The following SUCLG2 variants were observed in gnomAD, a reference collection of about 807,000 sequenced individuals.
SUCLG2 encodes the protein succinate--CoA ligase [GDP-forming] subunit beta, mitochondrial.
SUCLG2 carries 42 observed loss-of-function variants against 47.9 expected under a neutral mutation model. That is an observed-to-expected ratio of 0.88 (90% CI 0.69 to 1.14). The LOEUF is 1.14. Among genes scored for constraint, SUCLG2 ranks in the 50% most tolerant of loss-of-function variants. The pLI, the probability that SUCLG2 is intolerant of heterozygous loss-of-function variation, is 0.00. For missense variants in SUCLG2, 571 were observed against 525.9 expected (o/e 1.09, Z -0.84); for synonymous variants, 195 against 197.3 (o/e 0.99, Z 0.10).
intron 9 of SUCLG2, among the ~76,000 whole-genome samples, chr3:67,423,060 T>C (rs760364972): frequency 6.6e-6 from 1 of 152,166 alleles, no homozygotes; most frequent in Admixed American, 6.5e-5. Context: ...GGTGCAGTGA[T>C]GTGGTTTGGC....
Position 67,528,136 on chromosome 3 carries a change from T to C in SUCLG2, c.413A>G (p.Asn138Ser), listed in dbSNP as rs1361525872. 1 of 1,613,364 alleles carries C rather than the reference T, an allele frequency of 6.2e-7. No individual in the cohort carries two copies. Among genetic ancestry groups the C allele is most frequent in the East Asian group, 2.2e-5 (1 of 44,858 alleles). Residue 138 changes from asparagine to serine, a missense_variant, in exon 4 of 11, where the codon AAC (asparagine) becomes AGC (serine). By Grantham distance (46) the Asn-to-Ser change is conservative (BLOSUM62 1). Coordinates refer to ENST00000307227, the MANE Select transcript of SUCLG2 (RefSeq NM_003848.4). Reference protein sequence around the residue: ...KQTPKEGVKVNKVMVAEALDI... With the variant: ...KQTPKEGVKVSKVMVAEALDI... The stretch of plus-strand genomic sequence containing the variant: ...GACCCAAAGTATCCATATTACCTTG[T>C]TAACTTTCACACCTTCTTTTGGAGT...
Position 67,375,206 on chromosome 3 carries a change from A to T in SUCLG2, c.*538T>A. ...ACGGATTTTTCAAACATATGTTAGAATTAGAAACCTGTAAAATCTGCAGTA... is the reference window on the plus strand; with the variant it reads ...ACGGATTTTTCAAACATATGTTAGATTTAGAAACCTGTAAAATCTGCAGTA... On this transcript the variant is annotated 3_prime_UTR_variant, in exon 11 of 11. Transcript: ENST00000307227. 3 of 985,882 alleles carry T rather than the reference A, an allele frequency of 3.0e-6. No individual in the cohort carries two copies. The highest frequency in any genetic ancestry group is 3.6e-6 in the Non-Finnish European group (3 of 829,924). 61.1% of individuals were successfully genotyped at this position (985,882 alleles called of 1,614,324 possible).
intron 10 of SUCLG2, 95 bp from the exon 11 acceptor site, chr3:67,375,954 T>G (rs1702028166): frequency 6.8e-7 from 1 of 1,474,508 alleles, no homozygotes; most frequent in East Asian, 2.5e-5. Context: ...TGTCTACAGC[T>G]TTTCACTAGG....
chr3:67,620,804 G>T (rs1464972786), intron 1 of SUCLG2, among the ~76,000 whole-genome samples: 1 of 152,024 alleles, frequency 6.6e-6, no homozygotes, highest in Non-Finnish European at 1.5e-5. Context: ...AAAGGGGTTG[G>T]CACGTGCACG....
chr3:67,400,325 CAAATT>C (rs1159824388), intron 10 of SUCLG2, among the ~76,000 whole-genome samples: 2 of 151,658 alleles, frequency 1.3e-5, no homozygotes, highest in Non-Finnish European at 2.9e-5. Context: ...TTTCAGTTAT[CAAATT>C]AATTTATCAA....
In SUCLG2 at chr3:67,459,053, A is replaced by G. The variant is rs905242298; in HGVS notation, c.1062+36745T>C. Among the ~76,000 whole-genome samples the G allele has an allele frequency of 7.9e-5, 12 of 152,182 alleles. No individual in the cohort carries two copies. In the South Asian group the frequency reaches 1.9e-3, roughly 24 times the overall value. ...ATCTAATCTATTCTAATTCATTCAC[A>G]TGGAAGGTCAATTATCCAAATGCTC... On this transcript the variant is annotated intron_variant, in intron 9 of 10. Coordinates refer to ENST00000307227, the MANE Select transcript of SUCLG2 (RefSeq NM_003848.4).
intron 9 of SUCLG2, among the ~76,000 whole-genome samples, chr3:67,423,168 C>T: frequency 6.6e-6 from 1 of 152,032 alleles, no homozygotes; most frequent in East Asian, 1.9e-4. Flanking sequence ...GGCGGTTCCC[C>T]CATGCTGTTC....
intron 9 of SUCLG2, among the ~76,000 whole-genome samples, chr3:67,439,520 G>C (rs1428802246): frequency 6.6e-6 from 1 of 152,082 alleles, no homozygotes; most frequent in African/African-American, 2.4e-5. Context: ...TAAGCTAATA[G>C]GCAACTTCAG....
intron 4 of SUCLG2, among the ~76,000 whole-genome samples, chr3:67,525,434 C>T (rs570293727): frequency 6.6e-6 from 1 of 152,212 alleles, no homozygotes; most frequent in East Asian, 1.9e-4. Flanking sequence ...CCACAAAGAT[C>T]AATGGAACAA....
intron 9 of SUCLG2, among the ~76,000 whole-genome samples, chr3:67,402,309 G>GGCAGGTAACCTAGAGA (rs58345502): frequency 6.6e-6 from 1 of 151,898 alleles, no homozygotes; most frequent in South Asian, 2.1e-4. Flanking sequence ...GATGAAAGTG[G>GGCAGGTAACCTAGAGA]GCAAGTAAGA....
chr3:67,438,405 A>G (rs767330357), intron 9 of SUCLG2, among the ~76,000 whole-genome samples: 8 of 152,142 alleles, frequency 5.3e-5, no homozygotes, highest in Non-Finnish European at 8.8e-5. Context: ...GGAGATAAAG[A>G]CATGAAAAAC....
chr3:67,388,464 T>C (rs886271346), intron 10 of SUCLG2, among the ~76,000 whole-genome samples: 3 of 152,198 alleles, frequency 2.0e-5, no homozygotes, highest in African/African-American at 4.8e-5. Context: ...AATATTCATA[T>C]GTGTGATTTC....
At chr3:67,507,675 G>C (rs1280116154) in intron 7 of SUCLG2, among the ~76,000 whole-genome samples, 1 of 152,190 alleles carries the variant, frequency 6.6e-6, no homozygotes, top group Non-Finnish European at 1.5e-5. Flanking sequence ...TCTAGCTACA[G>C]AATCTCTGAA....
chr3:67,643,758 C>A (rs1288792550), intron 1 of SUCLG2, among the ~76,000 whole-genome samples: 1 of 152,214 alleles, frequency 6.6e-6, no homozygotes, highest in Non-Finnish European at 1.5e-5. Context: ...CCATCTGCAA[C>A]CTCCGCCTCC....
At chr3:67,638,464 A>C (rs1701044711) in intron 1 of SUCLG2, among the ~76,000 whole-genome samples, 1 of 152,196 alleles carries the variant, frequency 6.6e-6, no homozygotes, top group South Asian at 2.1e-4. Flanking sequence ...GCTATAGGGC[A>C]GCACACAGCT....
At chr3:67,426,706 G>T (rs1447597953) in intron 9 of SUCLG2, among the ~76,000 whole-genome samples, 4 of 152,158 alleles carry the variant, frequency 2.6e-5, no homozygotes, top group Non-Finnish European at 5.9e-5. Context: ...AAGGCAGGCA[G>T]ATCACGAGGT....
chr3:67,424,079 T>C (rs1703239475), intron 9 of SUCLG2, among the ~76,000 whole-genome samples: 1 of 152,210 alleles, frequency 6.6e-6, no homozygotes, highest in African/African-American at 2.4e-5. Context: ...TAGTAGAATA[T>C]AAAAGCAAAT....
intron 2 of SUCLG2, among the ~76,000 whole-genome samples, chr3:67,599,797 G>A (rs535673218): frequency 1.3e-5 from 2 of 151,198 alleles, no homozygotes; most frequent in Admixed American, 6.6e-5. Flanking sequence ...TAGCTTGTTC[G>A]ATGTTGAATG....
chr3:67,397,373 C>A (rs367865382), intron 10 of SUCLG2, among the ~76,000 whole-genome samples: 1 of 151,562 alleles, frequency 6.6e-6, no homozygotes, highest in Non-Finnish European at 1.5e-5. Flanking sequence ...TTCTTATACA[C>A]CAATAACAGA....
Sources: allele counts gnomAD v4.1 joint callset (sites outside exome capture counted in the v4.1 genomes callset), GRCh38; gene constraint gnomAD v4.1.1; transcripts MANE v1.5; gene names NCBI Gene and HGNC (gene_info 2026-07-23, HGNC 2026-07-21).